The following MEGF9 variants were observed in gnomAD, a reference collection of about 807,000 sequenced individuals.
MEGF9 encodes the protein multiple EGF like domains 9.
In MEGF9, 6 loss-of-function variants were observed where a neutral mutation model predicts 46.8. The observed-to-expected ratio is 0.13, with a 90% CI of 0.07 to 0.25. The LOEUF is 0.25. Ranked by LOEUF, MEGF9 falls within the 10% of genes least tolerant of loss-of-function variation. The probability of loss-of-function intolerance (pLI) is 1.00; values close to 1 mark genes in which losing one functional copy is unlikely to be tolerated. For synonymous variants in MEGF9, 302 were observed against 330.7 expected (o/e 0.91, Z 0.94); for missense variants, 683 against 792.4 (o/e 0.86, Z 1.66).
chr9:120,628,590 G>C (rs755266785), intron 2 of MEGF9, among the ~76,000 whole-genome samples: 2 of 143,464 alleles, frequency 1.4e-5, no homozygotes, highest in Non-Finnish European at 3.0e-5. Flanking sequence ...AATTCCCAAC[G>C]GTCATGCAAC....
At chr9:120,685,091 C>G (rs2132334830) in intron 1 of MEGF9, among the ~76,000 whole-genome samples, 1 of 152,334 alleles carries the variant, frequency 6.6e-6, no homozygotes, top group East Asian at 1.9e-4. Flanking sequence ...GCCTGGGCCT[C>G]CCAAAGTGCT....
At chr9:120,608,132 T>C in intron 4 of MEGF9, 122 bp from the exon 5 acceptor site, 8 of 1,143,910 alleles carry the variant, frequency 7.0e-6, no homozygotes, top group Non-Finnish European at 9.9e-6. Context: ...GGTGGAAGGA[T>C]CGCTTGAGCC....
At chr9:120,689,333 G>A (rs1256285937) in intron 1 of MEGF9, among the ~76,000 whole-genome samples, 1 of 152,132 alleles carries the variant, frequency 6.6e-6, no homozygotes, top group African/African-American at 2.4e-5. Flanking sequence ...ATAGAGAACT[G>A]GAAAAAGTGC....
rs1241556091 is a variant in MEGF9, at chr9:120,713,922, G to A, written c.437C>T (p.Thr146Ile). ...CGGGCCAGTGGTCGTCGAAAGGGTGGTCGGCGCGGGTCTGGTCGGCGCCTG... is the reference window on the plus strand; with the variant it reads ...CGGGCCAGTGGTCGTCGAAAGGGTGATCGGCGCGGGTCTGGTCGGCGCCTG... Reference protein sequence around the residue: ...TSQAPTRPAPTTLSTTTGPAP... With the variant: ...TSQAPTRPAPITLSTTTGPAP... The change falls in exon 1 of 6, where the codon ACC becomes ATC. Residue 146 changes from threonine to isoleucine, a missense_variant. Thr to Ile is a moderately conservative substitution (Grantham distance 89). Transcript: ENST00000373930. 2.2e-6 allele frequency: 3 copies of A among 1,346,402 alleles called. No homozygotes were observed. The highest frequency in any genetic ancestry group is 4.1e-5 in the South Asian group (2 of 49,108). 83.4% of individuals were successfully genotyped at this position (1,346,402 alleles called of 1,614,324 possible). A position where few individuals can be genotyped will look rare whatever the true frequency, so the allele number is the denominator to read the frequency against.
chr9:120,613,864 G>A (rs967702050), intron 3 of MEGF9, among the ~76,000 whole-genome samples: 9 of 151,950 alleles, frequency 5.9e-5, no homozygotes, highest in Admixed American at 1.3e-4. Context: ...AAAACTATTC[G>A]TAAAAGTCTT....
chr9:120,630,373 AGTGTTCCAT>A (rs2043545254), intron 2 of MEGF9, among the ~76,000 whole-genome samples: 1 of 152,210 alleles, frequency 6.6e-6, no homozygotes, highest in African/African-American at 2.4e-5. Context: ...ATGGCTAACT[AGTGTTCCAT>A]TGCACACATT....
At chr9:120,607,042 T>G (rs192759242) in intron 5 of MEGF9, among the ~76,000 whole-genome samples, 23 of 152,202 alleles carry the variant, frequency 1.5e-4, no homozygotes, top group Admixed American at 1.5e-3. Context: ...ATCAAGAAAA[T>G]GGCAGAAAGA....
chr9:120,624,406 T>C (rs2043514733), intron 2 of MEGF9, among the ~76,000 whole-genome samples: 1 of 152,098 alleles, frequency 6.6e-6, no homozygotes. Flanking sequence ...TTTTGTATTT[T>C]TTGTGGAGAC....
chr9:120,623,919 T>C (rs556948536), intron 2 of MEGF9, among the ~76,000 whole-genome samples: 3 of 152,346 alleles, frequency 2.0e-5, no homozygotes, highest in African/African-American at 4.8e-5. Context: ...CCTCTAAATA[T>C]GTTATTCAAT....
At chr9:120,651,442 C>T (rs934102327) in intron 2 of MEGF9, among the ~76,000 whole-genome samples, 1 of 152,060 alleles carries the variant, frequency 6.6e-6, no homozygotes, top group Admixed American at 6.5e-5. Context: ...TACTTACTGG[C>T]AGTTATGCAG....
intron 1 of MEGF9, among the ~76,000 whole-genome samples, chr9:120,712,255 C>T (rs1204750071): frequency 6.6e-6 from 1 of 152,088 alleles, no homozygotes; most frequent in African/African-American, 2.4e-5. Flanking sequence ...CAGACCCTGT[C>T]TCAAAAAACA....
At chr9:120,628,975 G>GTTTTGTT in intron 2 of MEGF9, among the ~76,000 whole-genome samples, 1 of 151,456 alleles carries the variant, frequency 6.6e-6, no homozygotes, top group South Asian at 2.1e-4. Flanking sequence ...TGATGACTTT[G>GTTTTGTT]TTTTGTTTTT....
chr9:120,619,124 T>A (rs973648093), intron 3 of MEGF9, among the ~76,000 whole-genome samples: 3 of 152,110 alleles, frequency 2.0e-5, no homozygotes, highest in African/African-American at 7.2e-5. Context: ...GGCAGGCGGA[T>A]CACCTGAGGT....
chr9:120,669,242 T>A (rs946006172), intron 1 of MEGF9, among the ~76,000 whole-genome samples: 8 of 152,192 alleles, frequency 5.3e-5, no homozygotes, highest in Non-Finnish European at 7.4e-5. Flanking sequence ...TTTAAATTGC[T>A]CAATGATGGC....
intron 2 of MEGF9, 101 bp from the exon 3 acceptor site, chr9:120,622,856 T>C (rs2132304323): frequency 1.3e-5 from 15 of 1,177,198 alleles, no homozygotes; most frequent in Non-Finnish European, 1.8e-5. Flanking sequence ...ATGTAAATCA[T>C]ATATACTTAC....
chr9:120,714,286 C>A lies in MEGF9; in HGVS notation c.73G>T (p.Ala25Ser). ...GCGACGGCGGCGGCGGCGGCGGCGG[C>A]GGCGCAGCACAACAGGGCGAGGCCG... is the stretch of plus-strand genomic sequence containing the variant. ...LGGLALLCCA[A>S]AAAAAAVASA... The change falls in exon 1 of 6, where the codon GCC (alanine) becomes TCC (serine). Residue 25 changes from alanine to serine, a missense_variant. Physicochemically the swap from Ala to Ser is moderately conservative, Grantham distance 99. Around this residue, in one of 2 missense-constraint regions of MEGF9, gnomAD observed 370 missense variants for 371.3 expected, o/e 1.00. Transcript: ENST00000373930. The A allele has an allele frequency of 1.8e-6, 2 of 1,121,302 alleles. No homozygotes were observed. Among genetic ancestry groups the A allele is most frequent in the South Asian group, 3.3e-5 (1 of 30,618 alleles). 69.5% of individuals were successfully genotyped at this position (1,121,302 alleles called of 1,614,324 possible).
At chr9:120,639,640 A>G (rs1369613680) in intron 2 of MEGF9, among the ~76,000 whole-genome samples, 1 of 152,004 alleles carries the variant, frequency 6.6e-6, no homozygotes, top group African/African-American at 2.4e-5. Flanking sequence ...TCATTTGTCT[A>G]ACAGAGGACC....
chr9:120,714,440 G>T lies in MEGF9; in HGVS notation c.-82C>A. The T allele has an allele frequency of 8.8e-7, 1 of 1,140,080 alleles. No homozygotes were observed. Among genetic ancestry groups the T allele is most frequent in the African/African-American group, 1.6e-5 (1 of 61,642 alleles). The allele number at this position is 1,140,080 out of a possible 1,614,324, so 70.6% of individuals were successfully genotyped here. ...AGCCTCCGCAACCGCCGCCGCCACC[G>T]CCACCGGGCGCACCATCGCCACCTC... On this transcript the variant is annotated 5_prime_UTR_variant, in exon 1 of 6. Transcript: ENST00000373930.
chr9:120,609,554 G>A (rs1473374706), intron 4 of MEGF9, among the ~76,000 whole-genome samples: 3 of 152,212 alleles, frequency 2.0e-5, no homozygotes, highest in South Asian at 2.1e-4. Context: ...AACATAGCAC[G>A]TGTTCAATAT....
Sources: gnomAD v4.1 joint callset for allele counts (sites outside exome capture counted in the v4.1 genomes callset) on GRCh38, gnomAD v4.1.1 for gene constraint, gnomAD v4.1.1 regional missense constraint, MANE v1.5 for transcripts, NCBI Gene and HGNC (gene_info 2026-07-23, HGNC 2026-07-21) for gene names.